POLR1A: variants seen among roughly 807,000 people sequenced by gnomAD.
POLR1A encodes the protein RNA polymerase I subunit A.
POLR1A carries 84 observed loss-of-function variants against 205.3 expected under a neutral mutation model. That is an observed-to-expected ratio of 0.41 (90% CI 0.34 to 0.49). The LOEUF (loss-of-function observed/expected upper bound fraction) is 0.49, where lower values mean the gene tolerates loss of function less well. Ranked by LOEUF, POLR1A falls within the 20% of genes least tolerant of loss-of-function variation. The probability of loss-of-function intolerance (pLI) is 0.22; values close to 1 mark genes in which losing one functional copy is unlikely to be tolerated. For missense variants in POLR1A, 1,645 were observed against 2,204.5 expected (o/e 0.75, Z 5.08); for synonymous variants, 799 against 863.7 (o/e 0.93, Z 1.31).
At chr2:86,061,568 G>A (rs1028811365) in intron 14 of POLR1A, among the ~76,000 whole-genome samples, 7 of 152,160 alleles carry the variant, frequency 4.6e-5, no homozygotes, top group African/African-American at 7.2e-5. Flanking sequence ...AGATACACAC[G>A]ACAAGTGTTC....
intron 6 of POLR1A, among the ~76,000 whole-genome samples, chr2:86,088,360 C>T (rs1450394125): frequency 6.6e-6 from 1 of 152,216 alleles, no homozygotes; most frequent in Admixed American, 6.5e-5. Flanking sequence ...TAAAACAGCC[C>T]CTCCCATCAG....
intron 11 of POLR1A, 65 bp downstream of exon 11, chr2:86,077,794 G>T (rs1673316042): frequency 6.4e-7 from 1 of 1,567,438 alleles, no homozygotes; most frequent in African/African-American, 1.4e-5. Flanking sequence ...GAGCAAATGA[G>T]CCCTGCACGC....
chr2:86,030,438 A>C (rs1163862692), intron 30 of POLR1A, 42 bp from the exon 31 acceptor site: 1 of 1,412,004 alleles, frequency 7.1e-7, no homozygotes, highest in Non-Finnish European at 1.0e-6. Context: ...CAGCTACTCC[A>C]GTCCCCACAA....
In POLR1A at chr2:86,021,619, C is replaced by A. The variant is rs1165504723; in HGVS notation, c.*5804G>T. ...ATATGAAGCCTGCTGGGTACCTCAACCTTTGGCCTGATCATGAAGACGGTG... is the reference window on the plus strand; with the variant it reads ...ATATGAAGCCTGCTGGGTACCTCAAACTTTGGCCTGATCATGAAGACGGTG... On this transcript the variant is annotated 3_prime_UTR_variant, in exon 34 of 34. Transcript: ENST00000263857. 1 of 152,300 alleles carries A rather than the reference C, an allele frequency of 6.6e-6. No individual in the cohort carries two copies. The highest frequency in any genetic ancestry group is 2.1e-4 in the South Asian group (1 of 4,818). The allele number at this position is 152,300 out of a possible 1,614,324, so 9.4% of individuals were successfully genotyped here.
intron 13 of POLR1A, chr2:86,065,693 A>G (rs1673073972): frequency 1.7e-5 from 9 of 523,698 alleles, no homozygotes; most frequent in South Asian, 2.6e-5. Context: ...CCACTATCCT[A>G]TATCAAGACT....
chr2:86,104,123 C>T (rs549252481), intron 1 of POLR1A, among the ~76,000 whole-genome samples: 1 of 152,274 alleles, frequency 6.6e-6, no homozygotes, highest in African/African-American at 2.4e-5. Context: ...TTAAGGGTGA[C>T]AGTAGCATGA....
rs1216312136 is a variant in POLR1A at position 86,039,417 on chromosome 2, G to A, written c.3786C>T (p.Pro1262=). 6.2e-7 allele frequency: 1 copy of A among 1,614,096 alleles called. No homozygotes were observed. The highest frequency in any genetic ancestry group is 8.5e-7 in the Non-Finnish European group (1 of 1,179,998). The change falls in exon 26 of 34, where the codon CCC becomes CCT. Residue 1262 remains proline (P), a synonymous_variant. Transcript: ENST00000263857. ...LMVASANIKT[P]MMSVPVLNTK... ...TGTTGAGCACGGGCACGCTCATCAT[G>A]GGTGTCTTGATGTTGGCGCTGGCCA...
At chr2:86,053,184 T>C (rs1013984437) in intron 15 of POLR1A, among the ~76,000 whole-genome samples, 184 bp from the exon 16 acceptor site, 3 of 152,158 alleles carry the variant, frequency 2.0e-5, no homozygotes, top group African/African-American at 7.2e-5. Context: ...ATATTATTAT[T>C]ATTTTTTAAT....
chr2:86,030,793 T>G (rs1672372565), intron 30 of POLR1A, among the ~76,000 whole-genome samples: 1 of 152,160 alleles, frequency 6.6e-6, no homozygotes, highest in African/African-American at 2.4e-5. Flanking sequence ...AGACAAAGCG[T>G]AAGTGTGTGC....
chr2:86,060,764 C>T (rs1260362663), intron 14 of POLR1A, among the ~76,000 whole-genome samples: 1 of 152,166 alleles, frequency 6.6e-6, no homozygotes, highest in Admixed American at 6.5e-5. Flanking sequence ...GGAATACCTA[C>T]AAGACCTCAG....
At chr2:86,103,197 C>T (rs868588658) in intron 1 of POLR1A, among the ~76,000 whole-genome samples, 5 of 152,078 alleles carry the variant, frequency 3.3e-5, no homozygotes, top group African/African-American at 1.2e-4. Flanking sequence ...TCCTAGAAGC[C>T]CACTAAGGAG....
Position 86,049,019 on chromosome 2 carries a change from C to A in POLR1A, c.2499G>T (p.Leu833=). The change falls in exon 18 of 34, where the codon CTG becomes CTT. Residue 833 remains leucine, a synonymous_variant. Coordinates refer to ENST00000263857, the MANE Select transcript of POLR1A (RefSeq NM_015425.6). ...CCTCATCATATGATGCGGCTTCTGGCAGGTTTAATGCAGCCCTGACAGCCT... is the reference window on the plus strand; with the variant it reads ...CCTCATCATATGATGCGGCTTCTGGAAGGTTTAATGCAGCCCTGACAGCCT... ...GPQAVRAALN[L]PEAASYDEVR... 1 of 1,614,188 alleles carries A rather than the reference C, an allele frequency of 6.2e-7. No individual in the cohort carries two copies. The highest frequency in any genetic ancestry group is 8.5e-7 in the Non-Finnish European group (1 of 1,180,018).
intron 29 of POLR1A, 118 bp from the exon 30 acceptor site, chr2:86,031,753 C>G: frequency 4.6e-6 from 6 of 1,311,050 alleles, no homozygotes; most frequent in Non-Finnish European, 6.3e-6. Context: ...TAGGCCCCAC[C>G]TGCTCCACAC....
rs923923717 is a variant in POLR1A, at chr2:86,028,845, A to T, written c.4780-134T>A. On this transcript the variant is annotated intron_variant, in intron 31 of 33. Coordinates refer to ENST00000263857, the MANE Select transcript of POLR1A (RefSeq NM_015425.6). This position sits in a 1 kb window ranked among gnomAD's most constrained non-coding sequence, Gnocchi z 4.5. ...TACAGCTGATGACAAAGTGGTCAAG[A>T]GGTGGCCCAGGATTAGCAGAAGGAA... is the stretch of plus-strand genomic sequence containing the variant. 4.6e-6 allele frequency: 3 copies of T among 657,992 alleles called. No individual in the cohort carries two copies. In the Admixed American group the frequency reaches 6.9e-5, roughly 15 times the overall value. The allele number at this position is 657,992 out of a possible 1,614,324, so 40.8% of individuals were successfully genotyped here.
chr2:86,067,050 G>A (rs997099983), intron 13 of POLR1A, among the ~76,000 whole-genome samples: 1 of 152,084 alleles, frequency 6.6e-6, no homozygotes, highest in African/African-American at 2.4e-5. Flanking sequence ...GATCTATTCA[G>A]TGCCTTTTCC....
At chr2:86,089,269 A>G (rs1415428267) in intron 4 of POLR1A, among the ~76,000 whole-genome samples, 2 of 152,226 alleles carry the variant, frequency 1.3e-5, no homozygotes, top group Non-Finnish European at 2.9e-5. Flanking sequence ...GCACATCCAC[A>G]GTCCAGCCAC....
chr2:86,092,372 C>T (rs572617437), intron 3 of POLR1A, among the ~76,000 whole-genome samples: 1 of 152,354 alleles, frequency 6.6e-6, no homozygotes, highest in East Asian at 1.9e-4. Flanking sequence ...CCCATAGCCG[C>T]TGATGTGATC....
chr2:86,094,659 C>A (rs1327025104), intron 3 of POLR1A, among the ~76,000 whole-genome samples: 2 of 152,242 alleles, frequency 1.3e-5, no homozygotes, highest in African/African-American at 2.4e-5. Context: ...CTTTTAATTC[C>A]ATTTTAACAA....
At position 86,102,041 on chromosome 2, in the gene POLR1A, T is replaced by C. The variant is rs945364619; in HGVS notation, c.78-1869A>G. Among the ~76,000 whole-genome samples, 8 of 152,238 alleles carry C rather than the reference T, an allele frequency of 5.3e-5. No homozygotes were observed. In the East Asian group the frequency reaches 7.7e-4, roughly 15 times the overall value. On this transcript the variant is annotated intron_variant, in intron 1 of 33. Transcript: ENST00000263857. ...TTTTATGTATCAACCCATCCATTGA[T>C]AGACACTTGGGTAGTTTCCACTTTT...
Sources: gnomAD v4.1 joint callset for allele counts (sites outside exome capture counted in the v4.1 genomes callset) on GRCh38, gnomAD v4.1.1 for gene constraint, Gnocchi (gnomAD v3.1) non-coding constraint, MANE v1.5 for transcripts, NCBI Gene and HGNC (gene_info 2026-07-23, HGNC 2026-07-21) for gene names.